The following SH3BGRL2 variants were observed in gnomAD, a reference collection of about 807,000 sequenced individuals.
SH3BGRL2 encodes the protein SH3 domain binding glutamate rich protein like 2.
A neutral mutation model predicts 14.8 loss-of-function variants in SH3BGRL2; 21 were observed. The observed-to-expected ratio is 1.42, with a 90% CI of 1.01 to 2.05. SH3BGRL2 has a LOEUF of 2.05. SH3BGRL2 is among the 30% of genes most tolerant of loss of function. The pLI is 0.00. For missense variants in SH3BGRL2, 147 were observed against 130.8 expected, an observed-to-expected ratio of 1.12 and a Z score of -0.61; for synonymous variants, 50 against 47.8, an observed-to-expected ratio of 1.05 and a Z score of -0.19.
At chr6:79,548,055 G>A in the SH3BGRL2 span, among the ~76,000 whole-genome samples, 7 of 152,000 alleles carry the variant, frequency 4.6e-5, no homozygotes, top group African/African-American at 1.7e-4. Context: ...TTTTTGTAGA[G>A]ATGAGGTCTC....
chr6:79,621,446 C>G, the SH3BGRL2 span, among the ~76,000 whole-genome samples: 1 of 152,160 alleles, frequency 6.6e-6, no homozygotes, highest in Non-Finnish European at 1.5e-5. Context: ...ATCTATGAAC[C>G]AGGAAAGAAG....
chr6:79,667,948 A>T (rs1769693702), intron 1 of SH3BGRL2, among the ~76,000 whole-genome samples: 1 of 150,948 alleles, frequency 6.6e-6, no homozygotes, highest in African/African-American at 2.4e-5. Flanking sequence ...TTGTCTTCAG[A>T]TAAACTTGTT....
chr6:79,592,229 C>T, the SH3BGRL2 span, among the ~76,000 whole-genome samples: 1 of 152,112 alleles, frequency 6.6e-6, no homozygotes, highest in Non-Finnish European at 1.5e-5. Flanking sequence ...GGAGTGTTGA[C>T]AAGGCAGTGT....
chr6:79,663,075 C>T (rs948587469), intron 1 of SH3BGRL2, among the ~76,000 whole-genome samples: 1 of 152,062 alleles, frequency 6.6e-6, no homozygotes, highest in African/African-American at 2.4e-5. Context: ...TTTTAGCTTC[C>T]TTGCGAAGGG....
chr6:79,684,095 G>C (rs2081097566), intron 2 of SH3BGRL2, among the ~76,000 whole-genome samples: 1 of 152,272 alleles, frequency 6.6e-6, no homozygotes, highest in South Asian at 2.1e-4. Flanking sequence ...CGAAGATATG[G>C]ATGCTATTTA....
At chr6:79,632,444 T>C (rs1242032543) in intron 1 of SH3BGRL2, among the ~76,000 whole-genome samples, 1 of 152,152 alleles carries the variant, frequency 6.6e-6, no homozygotes, top group Admixed American at 6.5e-5. Context: ...CTTTGTGACA[T>C]ATATAATCAA....
At chr6:79,565,714 A>G in the SH3BGRL2 span, among the ~76,000 whole-genome samples, 1 of 152,196 alleles carries the variant, frequency 6.6e-6, no homozygotes, top group Non-Finnish European at 1.5e-5. Flanking sequence ...GCCTACACAC[A>G]TTTACGAATA....
rs1017983468 is a variant in SH3BGRL2 at position 79,701,193 on chromosome 6, G to A, written c.*1684G>A. Reference sequence around the variant, plus strand: ...GTCAAATTATGGATATTACTGGTTAGTTGTCATTAAGTAAGATCCAGGTCA... The same window carrying A: ...GTCAAATTATGGATATTACTGGTTAATTGTCATTAAGTAAGATCCAGGTCA... On this transcript the variant is annotated 3_prime_UTR_variant, in exon 4 of 4. Transcript: ENST00000369838. The A allele has an allele frequency of 2.0e-5, 3 of 152,050 alleles. No homozygotes were observed. Among genetic ancestry groups the A allele is most frequent in the African/African-American group, 7.3e-5 (3 of 41,334 alleles). 9.4% of individuals were successfully genotyped at this position (152,050 alleles called of 1,614,324 possible). A position where few individuals can be genotyped will look rare whatever the true frequency, so the allele number is the denominator to read the frequency against.
At chr6:79,565,805 C>T in the SH3BGRL2 span, among the ~76,000 whole-genome samples, 1 of 152,218 alleles carries the variant, frequency 6.6e-6, no homozygotes, top group Non-Finnish European at 1.5e-5. Flanking sequence ...AAATTCTCTA[C>T]TTCTCCTCTC....
the SH3BGRL2 span, among the ~76,000 whole-genome samples, chr6:79,614,383 G>A: frequency 6.6e-6 from 1 of 152,128 alleles, no homozygotes; most frequent in Non-Finnish European, 1.5e-5. Context: ...ACACGAGAAG[G>A]AGAGCAAGCC....
At chr6:79,643,746 G>A (rs1769076535) in intron 1 of SH3BGRL2, among the ~76,000 whole-genome samples, 1 of 152,172 alleles carries the variant, frequency 6.6e-6, no homozygotes, top group African/African-American at 2.4e-5. Flanking sequence ...CCAAAAGGTT[G>A]AGATAGCCAG....
intron 1 of SH3BGRL2, among the ~76,000 whole-genome samples, chr6:79,638,603 C>G (rs1768971443): frequency 6.6e-6 from 1 of 152,132 alleles, no homozygotes; most frequent in Admixed American, 6.6e-5. Context: ...GCATCCTCAT[C>G]AGCATTTGTT....
chr6:79,543,436 C>G, the SH3BGRL2 span, among the ~76,000 whole-genome samples: 1 of 152,060 alleles, frequency 6.6e-6, no homozygotes, highest in African/African-American at 2.4e-5. Flanking sequence ...AGTAATGGTC[C>G]CAGGTAGCCA....
chr6:79,574,462 A>G, the SH3BGRL2 span: 1 of 152,202 alleles, frequency 6.6e-6, no homozygotes, highest in South Asian at 2.1e-4. Context: ...CTTTGTTGCT[A>G]TTCAATTGCC....
At chr6:79,570,262 C>T in the SH3BGRL2 span, among the ~76,000 whole-genome samples, 3 of 152,114 alleles carry the variant, frequency 2.0e-5, no homozygotes, top group Non-Finnish European at 4.4e-5. Context: ...CAACTGTTGC[C>T]TGCCAATTCT....
chr6:79,635,857 T>C (rs1055405804), intron 1 of SH3BGRL2, among the ~76,000 whole-genome samples: 4 of 152,214 alleles, frequency 2.6e-5, no homozygotes, highest in Admixed American at 6.5e-5. Context: ...CCTACTGCTT[T>C]GGGTGATTTA....
At chr6:79,593,601 T>A in the SH3BGRL2 span, among the ~76,000 whole-genome samples, 1 of 152,172 alleles carries the variant, frequency 6.6e-6, no homozygotes. Flanking sequence ...AGGAAGCCAG[T>A]CAATTTCCAT....
chr6:79,657,314 G>A (rs1769440530), intron 1 of SH3BGRL2, among the ~76,000 whole-genome samples: 1 of 152,194 alleles, frequency 6.6e-6, no homozygotes, highest in South Asian at 2.1e-4. Flanking sequence ...GGATAGGAAA[G>A]GGACTGTAGC....
the SH3BGRL2 span, among the ~76,000 whole-genome samples, chr6:79,538,059 A>G: frequency 3.0e-5 from 2 of 67,734 alleles, no homozygotes; most frequent in African/African-American, 5.5e-5. Context: ...TTTTTTAAGG[A>G]ACGTTTTGAG....
Sources: gnomAD v4.1 joint callset for allele counts (sites outside exome capture counted in the v4.1 genomes callset) on GRCh38, gnomAD v4.1.1 for gene constraint, MANE v1.5 for transcripts, NCBI Gene and HGNC (gene_info 2026-07-23, HGNC 2026-07-21) for gene names.